The following PIAS2 variants were observed in gnomAD, a reference collection of about 807,000 sequenced individuals.
PIAS2 encodes E3 SUMO-protein ligase PIAS2.
In PIAS2, 19 loss-of-function variants were observed where a neutral mutation model predicts 69.7. That is an observed-to-expected ratio of 0.27 (90% CI 0.19 to 0.40). The LOEUF (loss-of-function observed/expected upper bound fraction) is 0.40. Among genes scored for constraint, PIAS2 ranks in the 10% least tolerant of loss-of-function variants. The pLI, the probability that PIAS2 is intolerant of heterozygous loss-of-function variation, is 1.00. For synonymous variants in PIAS2, 261 were observed against 263.2 expected (o/e 0.99, Z 0.08); for missense variants, 624 against 757.0 (o/e 0.82, Z 2.06).
Position 46,812,418 on chromosome 18 carries a change from C to A in PIAS2, c.*15G>T. Reference sequence around the variant, plus strand: ...AGTTCTGATGAATGATTCCCAGAATCAAGTGAGTCCTCCTTTAGTCCAATG... The same window carrying A: ...AGTTCTGATGAATGATTCCCAGAATAAAGTGAGTCCTCCTTTAGTCCAATG... On this transcript the variant is annotated 3_prime_UTR_variant, in exon 14 of 14. Coordinates refer to ENST00000585916, the MANE Select transcript of PIAS2 (RefSeq NM_004671.5). 6.5e-7 allele frequency: 1 copy of A among 1,550,288 alleles called. No homozygotes were observed. The highest frequency in any genetic ancestry group is 1.2e-5 in the South Asian group (1 of 86,354).
At chr18:46,836,701 T>C (rs2044490526) in intron 8 of PIAS2, among the ~76,000 whole-genome samples, 184 bp from the exon 9 acceptor site, 1 of 152,212 alleles carries the variant, frequency 6.6e-6, no homozygotes, top group South Asian at 2.1e-4. Flanking sequence ...TGCCCTATGA[T>C]TTTTGAAAAA....
chr18:46,821,723 C>A (rs895434544), intron 11 of PIAS2, among the ~76,000 whole-genome samples: 2 of 151,828 alleles, frequency 1.3e-5, no homozygotes, highest in African/African-American at 2.4e-5. Context: ...AGGTGAAATC[C>A]TAAGAGAGTT....
rs2040764255 is a variant in PIAS2 at position 46,807,410 on chromosome 18, T to TTA, written c.*5022_*5023insTA. The TTA allele has an allele frequency of 6.1e-5, 7 of 113,868 alleles. No individual in the cohort carries two copies. The highest frequency in any genetic ancestry group is 2.4e-4 in the African/African-American group (7 of 28,830). 7.1% of individuals were successfully genotyped at this position (113,868 alleles called of 1,614,324 possible). On this transcript the variant is annotated 3_prime_UTR_variant, in exon 14 of 14. Coordinates refer to ENST00000585916, the MANE Select transcript of PIAS2 (RefSeq NM_004671.5). ...TTTTTTTTTTTTTTTTTTTTTTTTT[T>TTA]AGAGAGTCTTGCTTTGTTACCCAGG...
chr18:46,860,534 G>C (rs2048496485), intron 3 of PIAS2, among the ~76,000 whole-genome samples: 1 of 152,188 alleles, frequency 6.6e-6, no homozygotes, highest in African/African-American at 2.4e-5. Flanking sequence ...GTTTCAGGGA[G>C]AGAGGTATAT....
intron 12 of PIAS2, chr18:46,818,410 C>T (rs2041801148): frequency 6.3e-7 from 1 of 1,585,832 alleles, no homozygotes; most frequent in Non-Finnish European, 8.6e-7. Flanking sequence ...ATGTTCCAAG[C>T]TTCAGTTCAT....
At chr18:46,905,683 T>G in intron 1 of PIAS2, 1 of 152,110 alleles carries the variant, frequency 6.6e-6, no homozygotes, top group East Asian at 1.9e-4. Flanking sequence ...ATGCTACAAA[T>G]TCAAGAATGT....
chr18:46,812,483 C>A lies in PIAS2; in HGVS notation c.1816G>T (p.Val606Phe), dbSNP rs2041068754. ...ATGTTACTTCCACTGCTGGTTATGA[C>A]CCCTGTCTCACTCCTGCTGCTGGAT... ...SSSSSRSETG[V>F]ITSSGSNIPD... The change falls in exon 14 of 14, where the codon GTC becomes TTC. Residue 606 changes from valine (V) to phenylalanine (F), a missense_variant. Around this residue, in one of 3 missense-constraint regions of PIAS2, gnomAD observed 241 missense variants for 257.3 expected, o/e 0.94. Transcript: ENST00000585916. 1 of 1,613,096 alleles carries A rather than the reference C, an allele frequency of 6.2e-7. No homozygotes were observed. The highest frequency in any genetic ancestry group is 8.5e-7 in the Non-Finnish European group (1 of 1,179,190).
intron 10 of PIAS2, 122 bp from the exon 11 acceptor site, chr18:46,828,252 T>C (rs1340393620): frequency 1.3e-6 from 1 of 778,848 alleles, no homozygotes; most frequent in African/African-American, 1.7e-5. Context: ...TGAAGCCACA[T>C]ACTCCAACCC....
chr18:46,821,232 A>C (rs561480276), intron 11 of PIAS2, among the ~76,000 whole-genome samples, 160 bp from the exon 12 acceptor site: 1 of 152,296 alleles, frequency 6.6e-6, no homozygotes, highest in African/African-American at 2.4e-5. Context: ...CTCCTCTCCC[A>C]TAATAGTCTT....
chr18:46,864,769 CAA>C (rs61248600), intron 2 of PIAS2, among the ~76,000 whole-genome samples: 5 of 124,272 alleles, frequency 4.0e-5, no homozygotes, highest in Non-Finnish European at 3.4e-5. Flanking sequence ...AACTCCATCT[CAA>C]AAAAAAAAAA....
chr18:46,849,531 GCA>G (rs1399905609), intron 5 of PIAS2, among the ~76,000 whole-genome samples: 1 of 152,150 alleles, frequency 6.6e-6, no homozygotes, highest in Admixed American at 6.5e-5. Context: ...CCACTGGACA[GCA>G]CCAGCGGAAC....
chr18:46,803,518 T>A lies in PIAS2; in HGVS notation c.*8915A>T, dbSNP rs1033401379. Reference sequence around the variant, plus strand: ...ACTCCTCTGGATGAGTTCATCCACTTTCATAGTTTCAGTGCTACTACCCAT... The same window carrying A: ...ACTCCTCTGGATGAGTTCATCCACTATCATAGTTTCAGTGCTACTACCCAT... On this transcript the variant is annotated 3_prime_UTR_variant, in exon 14 of 14. Transcript: ENST00000585916. 6.6e-6 allele frequency: 1 copy of A among 152,192 alleles called. No individual in the cohort carries two copies. Among genetic ancestry groups the A allele is most frequent in the Admixed American group, 6.5e-5 (1 of 15,278 alleles). The allele number at this position is 152,192 out of a possible 1,614,324, so 9.4% of individuals were successfully genotyped here. A position where few individuals can be genotyped will look rare whatever the true frequency, so the allele number is the denominator to read the frequency against.
At position 46,808,091 on chromosome 18, in the gene PIAS2, T is replaced by C. The variant is rs558798168; in HGVS notation, c.*4342A>G. On this transcript the variant is annotated 3_prime_UTR_variant, in exon 14 of 14. Transcript: ENST00000585916. ...ATGAAACATGGCACATCCATAACAA[T>C]GGAGTACCATAAAATTAATAATAGT... 6.6e-6 allele frequency: 1 copy of C among 152,176 alleles called. No individual in the cohort carries two copies. The highest frequency in any genetic ancestry group is 1.5e-5 in the Non-Finnish European group (1 of 68,030). 9.4% of individuals were successfully genotyped at this position (152,176 alleles called of 1,614,324 possible).
At chr18:46,841,221 A>AGAG (rs2145182434) in intron 8 of PIAS2, among the ~76,000 whole-genome samples, 1 of 152,330 alleles carries the variant, frequency 6.6e-6, no homozygotes, top group African/African-American at 2.4e-5. Flanking sequence ...TCCCAAGGAC[A>AGAG]GAGGTTTTAG....
intron 1 of PIAS2, among the ~76,000 whole-genome samples, chr18:46,916,611 T>C (rs557905996): frequency 2.0e-5 from 3 of 152,208 alleles, no homozygotes; most frequent in Non-Finnish European, 4.4e-5. Flanking sequence ...AATAAAGTTA[T>C]GATCTTGTTT....
intron 13 of PIAS2, 38 bp from the exon 14 acceptor site, chr18:46,812,650 C>A (rs1287356607): frequency 1.5e-6 from 2 of 1,305,960 alleles, no homozygotes; most frequent in Non-Finnish European, 2.2e-6. Context: ...GAGGAAGAGG[C>A]TACTTGATTT....
intron 8 of PIAS2, among the ~76,000 whole-genome samples, chr18:46,843,016 C>T (rs990630235): frequency 2.6e-5 from 4 of 152,128 alleles, no homozygotes; most frequent in African/African-American, 9.7e-5. Flanking sequence ...GTAATCAGGA[C>T]ATGTATATTT....
intron 7 of PIAS2, among the ~76,000 whole-genome samples, chr18:46,844,469 T>C (rs1025330980): frequency 1.8e-4 from 28 of 152,140 alleles, no homozygotes; most frequent in African/African-American, 6.8e-4. Context: ...GTTTTTATTA[T>C]GCACTATTGT....
chr18:46,806,473 T>TC lies in PIAS2; in HGVS notation c.*5959dup, dbSNP rs2040696810. On this transcript the variant is annotated 3_prime_UTR_variant, in exon 14 of 14. Coordinates refer to ENST00000585916, the MANE Select transcript of PIAS2 (RefSeq NM_004671.5). ...CTCAGGTTCAAGCAATTCTCATCCC[T>TC]CAGCCTCCCAAGTAGCTGGGATTAC... 1 of 142,740 alleles carries TC rather than the reference T, an allele frequency of 7.0e-6. No homozygotes were observed. The highest frequency in any genetic ancestry group is 1.5e-5 in the Non-Finnish European group (1 of 66,226). 8.8% of individuals were successfully genotyped at this position (142,740 alleles called of 1,614,324 possible).
Sources: gnomAD v4.1 joint callset for allele counts (sites outside exome capture counted in the v4.1 genomes callset) on GRCh38, gnomAD v4.1.1 for gene constraint, gnomAD v4.1.1 regional missense constraint, MANE v1.5 for transcripts, NCBI Gene and HGNC (gene_info 2026-07-23, HGNC 2026-07-21) for gene names.